Variants in LRRC18 observed in about 807,000 individuals in gnomAD.
The protein encoded by LRRC18 is leucine rich repeat containing 18, also known as leucine-rich repeat-containing protein 18.
LRRC18 carries 12 observed loss-of-function variants against 11.2 expected under a neutral mutation model. The ratio of observed to expected loss-of-function variants is 1.07; its 90% CI spans 0.69 to 1.74. The LOEUF is 1.74. LRRC18 is among the 40% of genes most tolerant of loss of function. LRRC18 has a pLI of 0.00. For synonymous variants in LRRC18, 155 were observed against 130.6 expected (o/e 1.19, Z -1.27); for missense variants, 374 against 330.5 (o/e 1.13, Z -1.02).
chr10:48,914,003 G>A (rs1422736456), exon 1 of LRRC18: 2 of 1,614,088 alleles, frequency 1.2e-6, no homozygotes, highest in Non-Finnish European at 1.7e-6. Context: ...GCTCGTCCAT[G>A]TCACTAAGGC....
the LRRC18 span, among the ~76,000 whole-genome samples, chr10:48,927,706 T>A: frequency 6.6e-6 from 1 of 152,242 alleles, no homozygotes; most frequent in East Asian, 1.9e-4. Context: ...AACTGCCCTC[T>A]TTCCCCTAGC....
At chr10:48,932,415 A>G in the LRRC18 span, 2 of 152,178 alleles carry the variant, frequency 1.3e-5, no homozygotes, top group Non-Finnish European at 2.9e-5. Context: ...ATTAATACTA[A>G]CATTACTAGT....
chr10:48,938,316 C>T, the LRRC18 span, among the ~76,000 whole-genome samples: 1 of 152,238 alleles, frequency 6.6e-6, no homozygotes, highest in Admixed American at 6.5e-5. Context: ...AGGGCTACAC[C>T]TAGCCTCCTA....
chr10:48,924,167 G>A, the LRRC18 span, among the ~76,000 whole-genome samples: 12 of 152,308 alleles, frequency 7.9e-5, no homozygotes, highest in South Asian at 2.1e-4. Context: ...AGGCAGCCCC[G>A]GGGCCAGATG....
At chr10:48,928,449 C>A in the LRRC18 span, among the ~76,000 whole-genome samples, 843 of 149,840 alleles carry the variant, frequency 5.6e-3, 12 homozygotes, top group African/African-American at 0.02. Context: ...ACACAACTGA[C>A]CAAATGGGGA....
At chr10:48,913,304 G>T (rs1356965383) in intron 1 of LRRC18, 88 bp downstream of exon 3, 61 of 1,243,818 alleles carry the variant, frequency 4.9e-5, no homozygotes, top group Non-Finnish European at 6.5e-5. Context: ...AGCCACAGGG[G>T]AGCCCTTGGT....
At chr10:48,932,718 A>G in the LRRC18 span, 1 of 151,946 alleles carries the variant, frequency 6.6e-6, no homozygotes, top group African/African-American at 2.4e-5. Flanking sequence ...ATGCTCTGCA[A>G]ATAATAATAG....
chr10:48,922,449 T>C, the LRRC18 span, among the ~76,000 whole-genome samples: 15 of 152,170 alleles, frequency 9.9e-5, no homozygotes, highest in African/African-American at 3.6e-4. Context: ...AAAAAACAAA[T>C]CATATGCTGA....
upstream of LRRC18, among the ~76,000 whole-genome samples, chr10:48,918,264 G>T (rs752170345): frequency 3.3e-5 from 5 of 152,208 alleles, no homozygotes; most frequent in Non-Finnish European, 7.4e-5. Flanking sequence ...TGACCTACAT[G>T]CTCCAATTAA....
the LRRC18 span, among the ~76,000 whole-genome samples, chr10:48,921,796 A>G: frequency 6.6e-6 from 1 of 152,220 alleles, no homozygotes. Context: ...AGAAATGTAC[A>G]GACACAAAAA....
chr10:48,935,568 C>T, the LRRC18 span, among the ~76,000 whole-genome samples: 3 of 152,240 alleles, frequency 2.0e-5, no homozygotes, highest in Non-Finnish European at 4.4e-5. Context: ...CCCCTTTCTT[C>T]GAATTTGTGC....
chr10:48,910,578 T>G (rs1236579188), intron 1 of LRRC18, among the ~76,000 whole-genome samples: 1 of 152,180 alleles, frequency 6.6e-6, no homozygotes, highest in Admixed American at 6.5e-5. Context: ...GGTCTCTATC[T>G]CCAGTCTGCT....
At chr10:48,926,118 G>A in the LRRC18 span, among the ~76,000 whole-genome samples, 2 of 152,178 alleles carry the variant, frequency 1.3e-5, no homozygotes, top group East Asian at 1.9e-4. Flanking sequence ...AGTGGCAAAT[G>A]CCTCATCCTG....
chr10:48,910,406 A>G, intron 1 of LRRC18, 148 bp from the exon 4 acceptor site: 1 of 725,926 alleles, frequency 1.4e-6, no homozygotes, highest in Non-Finnish European at 2.5e-6. Context: ...GTTGTATTTG[A>G]GGAAAGAGAA....
the LRRC18 span, among the ~76,000 whole-genome samples, chr10:48,939,503 G>A: frequency 6.6e-6 from 1 of 152,330 alleles, no homozygotes; most frequent in East Asian, 1.9e-4. Flanking sequence ...CTCTTTCTCA[G>A]GCTGCCTCCC....
At chr10:48,939,416 C>A in the LRRC18 span, among the ~76,000 whole-genome samples, 1 of 152,202 alleles carries the variant, frequency 6.6e-6, no homozygotes, top group African/African-American at 2.4e-5. Context: ...GAGCGGCTTG[C>A]TGTCTTGCTC....
At chr10:48,925,559 T>C in the LRRC18 span, among the ~76,000 whole-genome samples, 2 of 152,198 alleles carry the variant, frequency 1.3e-5, no homozygotes, top group Non-Finnish European at 2.9e-5. Flanking sequence ...CATAAAGTGT[T>C]TTCATTTTCT....
upstream of LRRC18, among the ~76,000 whole-genome samples, chr10:48,915,783 T>C (rs1838469659): frequency 6.6e-6 from 1 of 152,148 alleles, no homozygotes; most frequent in African/African-American, 2.4e-5. Context: ...GTCTCCACAG[T>C]AAACCAATGA....
chr10:48,936,651 C>T, the LRRC18 span, among the ~76,000 whole-genome samples: 1 of 151,926 alleles, frequency 6.6e-6, no homozygotes, highest in African/African-American at 2.4e-5. Flanking sequence ...TCCCGGCTAA[C>T]ACAGTGAAAC....
Sources: allele counts gnomAD v4.1 joint callset (sites outside exome capture counted in the v4.1 genomes callset), GRCh38; gene constraint gnomAD v4.1.1; transcripts MANE v1.5; gene names NCBI Gene and HGNC (gene_info 2026-07-23, HGNC 2026-07-21).